CSMD1: variants seen among roughly 807,000 people sequenced by gnomAD.
CSMD1 encodes the protein CUB and Sushi multiple domains 1.
Under a neutral mutation model 417.5 loss-of-function variants are expected in CSMD1, and 213 were observed. That is an observed-to-expected ratio of 0.51 (90% CI 0.46 to 0.57). The LOEUF is 0.57. Among genes scored for constraint, CSMD1 ranks in the 20% least tolerant of loss-of-function variants. The pLI, the probability that CSMD1 is intolerant of heterozygous loss-of-function variation, is 0.00. For synonymous variants in CSMD1, 2,862 were observed against 1,736.8 expected, an observed-to-expected ratio of 1.65 and a Z score of -16.11; for missense variants, 6,923 against 4,529.7, an observed-to-expected ratio of 1.53 and a Z score of -15.17.
At chr8:4,647,965 G>A (rs1229251085) in intron 1 of CSMD1, among the ~76,000 whole-genome samples, 1 of 152,136 alleles carries the variant, frequency 6.6e-6, no homozygotes, top group Non-Finnish European at 1.5e-5. Flanking sequence ...GGTATTTCTG[G>A]TTCTAGATCC....
chr8:4,195,842 A>C (rs1474139604), intron 3 of CSMD1, among the ~76,000 whole-genome samples: 1 of 152,106 alleles, frequency 6.6e-6, no homozygotes, highest in East Asian at 1.9e-4. Flanking sequence ...AGGCAGTGGA[A>C]TTAACGCCTT....
At chr8:3,107,568 G>A in intron 45 of CSMD1, 150 bp downstream of exon 45, 1 of 546,062 alleles carries the variant, frequency 1.8e-6, no homozygotes, top group Non-Finnish European at 3.2e-6. Context: ...TAAGTTCTCA[G>A]CAATACTTTA....
chr8:4,147,531 T>C lies in CSMD1; in HGVS notation c.416-115432A>G, dbSNP rs547227087. Among the ~76,000 whole-genome samples, 10 of 152,316 alleles carry C rather than the reference T, an allele frequency of 6.6e-5. No individual in the cohort carries two copies. The East Asian group carries it at 1.9e-3, about 29-fold the overall frequency. ...CTGTCTCCATTAGAGCCCTCCTCCT[T>C]AGGCATTTTAATTAGTCATGTATAA... On this transcript the variant is annotated intron_variant, in intron 3 of 69. Transcript: ENST00000635120.
At chr8:3,260,566 G>A (rs936983403) in intron 26 of CSMD1, among the ~76,000 whole-genome samples, 3 of 151,008 alleles carry the variant, frequency 2.0e-5, no homozygotes, top group Non-Finnish European at 3.0e-5. Flanking sequence ...ACTACAGAGA[G>A]GGTCCACCGA....
At chr8:3,894,457 G>T (rs979254083) in intron 5 of CSMD1, among the ~76,000 whole-genome samples, 1 of 152,002 alleles carries the variant, frequency 6.6e-6, no homozygotes, top group South Asian at 2.1e-4. Context: ...AAATAATCTT[G>T]AATTATCTTG....
chr8:3,456,352 G>T (rs532277394), intron 12 of CSMD1, among the ~76,000 whole-genome samples: 2 of 151,040 alleles, frequency 1.3e-5, no homozygotes, highest in African/African-American at 2.5e-5. Context: ...AGGTACCTCA[G>T]TTAGAAATGC....
chr8:4,816,513 C>T (rs892406020), intron 1 of CSMD1, among the ~76,000 whole-genome samples: 1 of 152,086 alleles, frequency 6.6e-6, no homozygotes, highest in Non-Finnish European at 1.5e-5. Context: ...CAGGTGTGAG[C>T]CACCATGCGC....
At chr8:4,381,724 A>G (rs1458746091) in intron 3 of CSMD1, among the ~76,000 whole-genome samples, 4 of 152,072 alleles carry the variant, frequency 2.6e-5, no homozygotes, top group African/African-American at 4.8e-5. Context: ...GCTGCCGTGG[A>G]TGGACTTTAG....
chr8:4,797,967 C>T (rs1798069437), intron 1 of CSMD1, among the ~76,000 whole-genome samples: 1 of 152,188 alleles, frequency 6.6e-6, no homozygotes, highest in African/African-American at 2.4e-5. Context: ...CTACAGTTTT[C>T]CCAAATGCAT....
At chr8:4,666,116 G>A (rs918617347) in intron 1 of CSMD1, among the ~76,000 whole-genome samples, 3 of 152,104 alleles carry the variant, frequency 2.0e-5, no homozygotes, top group Non-Finnish European at 4.4e-5. Flanking sequence ...ACTGGGGGGC[G>A]CTGAGCATCT....
rs551525409 is a variant in CSMD1 at position 4,416,313 on chromosome 8, C to A, written c.415+3640G>T. On this transcript the variant is annotated intron_variant, in intron 3 of 69. Coordinates refer to ENST00000635120, the MANE Select transcript of CSMD1 (RefSeq NM_033225.6). ...TTAACTTCCGAAAAACCTTGTTTTA[C>A]TTATAAAATGAACTAAAAAGTCAAC... 7.9e-5 allele frequency among the ~76,000 whole-genome samples: 12 copies of A among 152,130 alleles called. No individual in the cohort carries two copies. In the South Asian group the frequency reaches 2.3e-3, roughly 29 times the overall value.
At chr8:3,036,070 T>C (rs1215541309) in intron 50 of CSMD1, among the ~76,000 whole-genome samples, 2 of 152,180 alleles carry the variant, frequency 1.3e-5, no homozygotes, top group Admixed American at 6.5e-5. Flanking sequence ...ATAAACAATA[T>C]ATAGTCCTGT....
At chr8:4,108,436 T>C (rs1801682336) in intron 3 of CSMD1, among the ~76,000 whole-genome samples, 2 of 152,210 alleles carry the variant, frequency 1.3e-5, no homozygotes, top group African/African-American at 4.8e-5. Context: ...ATGTTGTTCA[T>C]CATTTGCTCA....
At chr8:4,056,891 T>G (rs186383418) in intron 3 of CSMD1, among the ~76,000 whole-genome samples, 34 of 152,250 alleles carry the variant, frequency 2.2e-4, no homozygotes, top group Non-Finnish European at 4.6e-4. Flanking sequence ...CTGCATAGTA[T>G]TCCATAGAGT....
intron 1 of CSMD1, among the ~76,000 whole-genome samples, chr8:4,894,504 G>T (rs180866168): frequency 5.3e-5 from 8 of 149,826 alleles, no homozygotes; most frequent in African/African-American, 1.0e-4. Flanking sequence ...AGTGAGCCGA[G>T]ATCGCACCAT....
At chr8:4,569,888 T>C (rs1798800370) in intron 2 of CSMD1, among the ~76,000 whole-genome samples, 1 of 152,220 alleles carries the variant, frequency 6.6e-6, no homozygotes, top group South Asian at 2.1e-4. Context: ...CTAGATATTT[T>C]ATTCTCTTTG....
intron 26 of CSMD1, among the ~76,000 whole-genome samples, chr8:3,262,707 G>A (rs139009009): frequency 1.3e-5 from 2 of 151,966 alleles, no homozygotes; most frequent in Non-Finnish European, 2.9e-5. Flanking sequence ...TCTGCCCCTC[G>A]AGAGTTCATT....
intron 2 of CSMD1, among the ~76,000 whole-genome samples, chr8:4,509,765 C>T (rs1186583930): frequency 6.6e-6 from 1 of 152,092 alleles, no homozygotes; most frequent in East Asian, 1.9e-4. Context: ...TTGTCACACA[C>T]ACTAAATATC....
chr8:3,749,723 G>A (rs543206824), intron 6 of CSMD1, among the ~76,000 whole-genome samples: 1 of 152,120 alleles, frequency 6.6e-6, no homozygotes, highest in South Asian at 2.1e-4. Context: ...GAATCATACG[G>A]TTTATGTTTT....
Sources: gnomAD v4.1 joint callset for allele counts (sites outside exome capture counted in the v4.1 genomes callset) on GRCh38, gnomAD v4.1.1 for gene constraint, MANE v1.5 for transcripts, NCBI Gene and HGNC (gene_info 2026-07-23, HGNC 2026-07-21) for gene names.